Variants in ARFGEF3 observed in about 807,000 individuals in gnomAD.
ARFGEF3 encodes the protein brefeldin A-inhibited guanine nucleotide-exchange protein 3.
ARFGEF3 carries 96 observed loss-of-function variants against 221.7 expected under a neutral mutation model. The observed-to-expected ratio is 0.43, with a 90% CI of 0.37 to 0.51. The LOEUF is 0.51. Among genes scored for constraint, ARFGEF3 ranks in the 20% least tolerant of loss-of-function variants. ARFGEF3 has a pLI of 0.00. For synonymous variants in ARFGEF3, 1,145 were observed against 1,126.8 expected (o/e 1.02, Z -0.32); for missense variants, 2,410 against 2,789.9 (o/e 0.86, Z 3.07).
At chr6:138,270,020 C>A (rs1437879917) in intron 12 of ARFGEF3, among the ~76,000 whole-genome samples, 6 of 152,018 alleles carry the variant, frequency 3.9e-5, no homozygotes, top group Non-Finnish European at 8.8e-5. Context: ...GAGCTGCTGG[C>A]TTCTCATCTA....
In ARFGEF3 at chr6:138,238,575, C is replaced by G; in HGVS notation, c.487C>G (p.Leu163Val). The G allele has an allele frequency of 1.2e-6, 2 of 1,613,880 alleles. No homozygotes were observed. Among genetic ancestry groups the G allele is most frequent in the East Asian group, 2.2e-5 (1 of 44,876 alleles). Residue 163 changes from leucine to valine, a missense_variant, in exon 6 of 34, where the codon CTC (leucine) becomes GTC (valine). Transcript: ENST00000251691. The stretch of plus-strand genomic sequence containing the variant: ...CATAAACACTGCTGTGCGGGCAACT[C>G]TCAGTCAAATGCTGAGTGACTTGAC... Reference protein sequence around the residue: ...RSINTAVRATLSQMLSDLTLQ... With the variant: ...RSINTAVRATVSQMLSDLTLQ...
At chr6:138,173,051 A>C (rs12191707) in intron 2 of ARFGEF3, among the ~76,000 whole-genome samples, 49,102 of 151,940 alleles carry the variant, frequency 0.32, 9,690 homozygotes, top group Non-Finnish European at 0.44. Flanking sequence ...ATTAAAATAT[A>C]TTGGAGAAAA....
intron 5 of ARFGEF3, among the ~76,000 whole-genome samples, chr6:138,238,172 A>G (rs1247778159): frequency 6.6e-6 from 1 of 152,154 alleles, no homozygotes; most frequent in African/African-American, 2.4e-5. Flanking sequence ...TTTCACTACG[A>G]AGGGAGCTTT....
At chr6:138,172,456 G>A (rs967455927) in intron 2 of ARFGEF3, among the ~76,000 whole-genome samples, 1 of 152,098 alleles carries the variant, frequency 6.6e-6, no homozygotes, top group Admixed American at 6.5e-5. Context: ...TTGTCCTGGG[G>A]TACAGAGATC....
At chr6:138,248,953 C>T (rs1387368649) in intron 8 of ARFGEF3, among the ~76,000 whole-genome samples, 1 of 152,178 alleles carries the variant, frequency 6.6e-6, no homozygotes, top group Non-Finnish European at 1.5e-5. Flanking sequence ...TAGAGTAGGT[C>T]CAGTGAATGC....
intron 12 of ARFGEF3, among the ~76,000 whole-genome samples, chr6:138,266,241 CAAAAGA>C (rs1208141476): frequency 7.0e-6 from 1 of 142,486 alleles, no homozygotes; most frequent in Non-Finnish European, 1.5e-5. Flanking sequence ...AGAGAAGAAA[CAAAAGA>C]AAGAGAAAGA....
chr6:138,244,776 CTTATT>C (rs1778455041), intron 7 of ARFGEF3, among the ~76,000 whole-genome samples: 1 of 152,106 alleles, frequency 6.6e-6, no homozygotes, highest in African/African-American at 2.4e-5. Flanking sequence ...CCCATGCTAC[CTTATT>C]TTATCTCTCT....
rs1185633954 is a variant in ARFGEF3, at chr6:138,341,521, T to G, written c.*5035T>G. On this transcript the variant is annotated 3_prime_UTR_variant, in exon 34 of 34. Coordinates refer to ENST00000251691, the MANE Select transcript of ARFGEF3 (RefSeq NM_020340.5). ...ACCACTTAGGTGACCCCAGGGAGAT[T>G]TAGTGTGGCCTTAGGAAAGCAAAAG... The G allele has an allele frequency of 6.5e-6, 1 of 154,534 alleles. No individual in the cohort carries two copies. The highest frequency in any genetic ancestry group is 2.4e-5 in the African/African-American group (1 of 41,504). 9.6% of individuals were successfully genotyped at this position (154,534 alleles called of 1,614,324 possible).
rs969187886 is a variant in ARFGEF3, at chr6:138,311,452, G to C, written c.4142G>C (p.Gly1381Ala). The change falls in exon 25 of 34, where the codon GGA (glycine) becomes GCA (alanine). Residue 1381 changes from glycine to alanine, a missense_variant. Gly to Ala is a moderately conservative substitution (Grantham distance 60). Around this residue, in one of 5 missense-constraint regions of ARFGEF3, gnomAD observed 723 missense variants for 991.9 expected, o/e 0.73. Coordinates refer to ENST00000251691, the MANE Select transcript of ARFGEF3 (RefSeq NM_020340.5). ...ATTGGAGACTGTGCCCCAGCACCCG[G>C]AGCCCCGTCCACAGACCTGTGCCTC... Reference protein sequence around the residue: ...KEIGDCAPAPGAPSTDLCLPA... With the variant: ...KEIGDCAPAPAAPSTDLCLPA... The C allele has an allele frequency of 6.2e-6, 10 of 1,608,862 alleles. No homozygotes were observed. The highest frequency in any genetic ancestry group is 8.5e-6 in the Non-Finnish European group (10 of 1,178,094).
At chr6:138,277,079 A>T (rs1223188609) in intron 12 of ARFGEF3, among the ~76,000 whole-genome samples, 1 of 152,242 alleles carries the variant, frequency 6.6e-6, no homozygotes, top group East Asian at 1.9e-4. Flanking sequence ...TACTAATTGT[A>T]TTCACAGTGT....
At chr6:138,173,104 GAA>G (rs1776871521) in intron 2 of ARFGEF3, among the ~76,000 whole-genome samples, 1 of 151,988 alleles carries the variant, frequency 6.6e-6, no homozygotes, top group Non-Finnish European at 1.5e-5. Context: ...AGTTCAAGGA[GAA>G]AAATAACAAT....
chr6:138,169,107 C>G (rs2114426097), intron 1 of ARFGEF3, among the ~76,000 whole-genome samples: 1 of 152,320 alleles, frequency 6.6e-6, no homozygotes, highest in East Asian at 1.9e-4. Flanking sequence ...CTGAAACTTA[C>G]AGAGGATAAG....
chr6:138,215,006 G>C (rs769476554), intron 4 of ARFGEF3, among the ~76,000 whole-genome samples: 41 of 152,214 alleles, frequency 2.7e-4, no homozygotes, highest in Non-Finnish European at 4.3e-4. Flanking sequence ...TCTGAAGATA[G>C]ATTACCTTGG....
chr6:138,233,010 G>T (rs552080490), intron 5 of ARFGEF3, among the ~76,000 whole-genome samples: 1 of 152,132 alleles, frequency 6.6e-6, no homozygotes, highest in African/African-American at 2.4e-5. Flanking sequence ...GAAGTGCTTA[G>T]GAGTCTTCCA....
At chr6:138,241,059 T>C (rs575436321) in intron 6 of ARFGEF3, among the ~76,000 whole-genome samples, 1 of 152,228 alleles carries the variant, frequency 6.6e-6, no homozygotes, top group Non-Finnish European at 1.5e-5. Context: ...ACTAGCGTTA[T>C]GCATTAGCCA....
At chr6:138,254,919 GCAAGAGATACTGAGCTTTACT>G (rs1778647654) in intron 9 of ARFGEF3, among the ~76,000 whole-genome samples, 1 of 152,068 alleles carries the variant, frequency 6.6e-6, no homozygotes, top group African/African-American at 2.4e-5. Flanking sequence ...TATGCAGGGG[GCAAGAGATACTGAGCTTTACT>G]CCTAGCCCTA....
chr6:138,332,613 GGA>G (rs975246831), intron 32 of ARFGEF3, among the ~76,000 whole-genome samples: 6 of 152,100 alleles, frequency 3.9e-5, no homozygotes, highest in Non-Finnish European at 7.3e-5. Flanking sequence ...CTGGGAAAAT[GGA>G]GAGTTGTTGT....
chr6:138,310,109 A>G (rs1258722122), intron 24 of ARFGEF3, among the ~76,000 whole-genome samples: 3 of 152,206 alleles, frequency 2.0e-5, no homozygotes, highest in Non-Finnish European at 4.4e-5. Flanking sequence ...GATCAGTGGA[A>G]AAGGCAGAGC....
intron 29 of ARFGEF3, among the ~76,000 whole-genome samples, chr6:138,321,638 T>A (rs1026732604): frequency 3.7e-4 from 56 of 152,302 alleles, no homozygotes; most frequent in African/African-American, 1.3e-3. Flanking sequence ...TTGGTGGGAA[T>A]GTAAATTAGT....
Sources: gnomAD v4.1 joint callset for allele counts (sites outside exome capture counted in the v4.1 genomes callset) on GRCh38, gnomAD v4.1.1 for gene constraint, gnomAD v4.1.1 regional missense constraint, MANE v1.5 for transcripts, NCBI Gene and HGNC (gene_info 2026-07-23, HGNC 2026-07-21) for gene names.